Variants in FBRS observed in about 807,000 individuals in gnomAD.
FBRS encodes the protein probable fibrosin-1.
A neutral mutation model predicts 86.1 loss-of-function variants in FBRS; 15 were observed. That is an observed-to-expected ratio of 0.17 (90% confidence interval 0.12 to 0.27). The LOEUF is 0.27. FBRS is among the 10% of genes least tolerant of loss of function. The pLI, the probability that FBRS is intolerant of heterozygous loss-of-function variation, is 1.00. For synonymous variants in FBRS, 666 were observed against 575.8 expected (o/e 1.16, Z -2.24); for missense variants, 1,367 against 1,301.6 (o/e 1.05, Z -0.77).
At position 30,659,975 on chromosome 16, in the gene FBRS, C is replaced by A; in HGVS notation, c.457C>A (p.Gln153Lys). Residue 153 changes from glutamine (Q) to lysine (K), a missense_variant and splice_region_variant, in exon 1 of 18, where the codon CAG becomes AAG. Transcript: ENST00000356166. ...IASFATLEAL[Q>K]KDASLQPPER... ...CAGCTTCGCCACCCTCGAGGCCTTG[C>A]AGGTGGGGCCTAATGGGGCTAGGAG... 5.8e-6 allele frequency: 9 copies of A among 1,549,506 alleles called. No individual in the cohort carries two copies. The highest frequency in any genetic ancestry group is 1.7e-4 in the Middle Eastern group (1 of 5,900).
rs1342935957 is a variant in FBRS, at chr16:30,661,475, G to GA, written c.705+144dup. 2.0e-6 allele frequency: 3 copies of GA among 1,473,344 alleles called. No individual in the cohort carries two copies. The Admixed American group carries it at 6.4e-5, about 31-fold the overall frequency. 91.3% of individuals were successfully genotyped at this position (1,473,344 alleles called of 1,614,324 possible). The stretch of plus-strand genomic sequence containing the variant: ...TGAGTCAGGATTAGGTTTTTGGGAG[G>GA]AACGGGGGTGGATTGGGAGGGTAAA... On this transcript the variant is annotated intron_variant, in intron 4 of 17. Coordinates refer to ENST00000356166, the MANE Select transcript of FBRS (RefSeq NM_001105079.3).
Position 30,662,641 on chromosome 16 carries a change from C to T in FBRS, c.837C>T (p.Ser279=). The stretch of plus-strand genomic sequence containing the variant: ...CTAAAGTGTCGGGCCTGGAGCGGAG[C>T]CAAGAACAGCCCCCGGGGCCCGACC... ...VVPKVSGLER[S]QEQPPGPDPL... The change falls in exon 6 of 18, where the codon AGC becomes AGT. Residue 279 remains serine, a synonymous_variant. Coordinates refer to ENST00000356166, the MANE Select transcript of FBRS (RefSeq NM_001105079.3). The T allele has an allele frequency of 4.5e-6, 7 of 1,546,816 alleles. No individual in the cohort carries two copies. The highest frequency in any genetic ancestry group is 6.1e-6 in the Non-Finnish European group (7 of 1,144,564).
At chr16:30,663,524 A>AG (rs2052485284) in intron 6 of FBRS, among the ~76,000 whole-genome samples, 1 of 152,116 alleles carries the variant, frequency 6.6e-6, no homozygotes, top group Non-Finnish European at 1.5e-5. Context: ...GTTAAAAAAA[A>AG]AAAAAAGGAA....
intron 15 of FBRS, chr16:30,667,864 G>T (rs945784652): frequency 2.2e-4 from 96 of 435,780 alleles, no homozygotes; most frequent in Non-Finnish European, 3.7e-4. Context: ...CAGTGGCAGG[G>T]GCAGTACGCC....
rs775970910 is a variant in FBRS at position 30,664,885 on chromosome 16, C to A, written c.1528C>A (p.Pro510Thr). 90 of 1,609,434 alleles carry A rather than the reference C, an allele frequency of 5.6e-5. No homozygotes were observed. The highest frequency in any genetic ancestry group is 7.4e-5 in the Non-Finnish European group (87 of 1,177,898). Residue 510 changes from proline to threonine, a missense_variant, in exon 8 of 18, where the codon CCC (proline) becomes ACC (threonine). Transcript: ENST00000356166. ...CACCCACCAGCACTTCACCCCTTAT[C>A]CCCCGGGCCTGCTGCCACCCCACGG... ...QHTHQHFTPYPPGLLPPHGPH... is the reference protein window; with the variant it reads ...QHTHQHFTPYTPGLLPPHGPH...
rs1187322140 is a variant in FBRS at position 30,659,766 on chromosome 16, G to A, written c.248G>A (p.Arg83Gln). The A allele has an allele frequency of 1.4e-6, 2 of 1,438,484 alleles. No individual in the cohort carries two copies. Among genetic ancestry groups the A allele is most frequent in the South Asian group, 2.6e-5 (2 of 76,812 alleles). 89.1% of individuals were successfully genotyped at this position (1,438,484 alleles called of 1,614,324 possible). A position where few individuals can be genotyped will look rare whatever the true frequency, so the allele number is the denominator to read the frequency against. The change falls in exon 1 of 18, where the codon CGG becomes CAG. Residue 83 changes from arginine to glutamine, a missense_variant. Around this residue, in one of 3 missense-constraint regions of FBRS, gnomAD observed 702 missense variants for 598.7 expected, o/e 1.17. Coordinates refer to ENST00000356166, the MANE Select transcript of FBRS (RefSeq NM_001105079.3). Reference sequence around the variant, plus strand: ...CGGCCTGGGGGCCCGAGACGCCGGCGGCCCCGTCCGAGACCTCGACCCCCG... The same window carrying A: ...CGGCCTGGGGGCCCGAGACGCCGGCAGCCCCGTCCGAGACCTCGACCCCCG... ...GERPGGPRRRRPRPRPRPPRP... is the reference protein window; with the variant it reads ...GERPGGPRRRQPRPRPRPPRP...
chr16:30,664,232 C>T lies in FBRS; in HGVS notation c.1073C>T (p.Pro358Leu), dbSNP rs548361821. 4.7e-5 allele frequency: 68 copies of T among 1,443,510 alleles called. 1 individual carries two copies. The East Asian group carries it at 1.3e-3, about 27-fold the overall frequency. 89.4% of individuals were successfully genotyped at this position (1,443,510 alleles called of 1,614,324 possible). The change falls in exon 7 of 18, where the codon CCC becomes CTC. Residue 358 changes from proline (P) to leucine (L), a missense_variant. Coordinates refer to ENST00000356166, the MANE Select transcript of FBRS (RefSeq NM_001105079.3). Reference protein sequence around the residue: ...LSTGSSSRPPPKAPAPPVAQP... With the variant: ...LSTGSSSRPPLKAPAPPVAQP... Reference sequence around the variant, plus strand: ...CTCCCCAGCTCTTCACGGCCGCCCCCCAAGGCCCCGGCCCCTCCCGTGGCT... The same window carrying T: ...CTCCCCAGCTCTTCACGGCCGCCCCTCAAGGCCCCGGCCCCTCCCGTGGCT...
chr16:30,661,394 A>C, intron 4 of FBRS, 61 bp downstream of exon 4: 2 of 1,550,476 alleles, frequency 1.3e-6, no homozygotes, highest in South Asian at 2.4e-5. Flanking sequence ...CTGCAGCATA[A>C]AGGTCTTCTG....
At position 30,665,818 on chromosome 16, in the gene FBRS, G is replaced by T. The variant is rs779715559; in HGVS notation, c.1773+112G>T. 1.9e-6 allele frequency: 2 copies of T among 1,034,054 alleles called. No homozygotes were observed. The highest frequency in any genetic ancestry group is 2.9e-6 in the Non-Finnish European group (2 of 700,088). 64.1% of individuals were successfully genotyped at this position (1,034,054 alleles called of 1,614,324 possible). A position where few individuals can be genotyped will look rare whatever the true frequency, so the allele number is the denominator to read the frequency against. On this transcript the variant is annotated intron_variant, in intron 11 of 17. Transcript: ENST00000356166. This position sits in a 1 kb window ranked among gnomAD's most constrained non-coding sequence, Gnocchi z 4.1. ...TCCTCCCTTGAATTCACAATCGGGT[G>T]TTCCTGGGTGTCTAATAGAGAGGGA... is the stretch of plus-strand genomic sequence containing the variant.
chr16:30,669,492 T>G lies in FBRS; in HGVS notation c.2790T>G (p.Ala930=), dbSNP rs1243828897. ...PAHPLLYSRL[A]PPPPPAAAPG... ...ACCCCTTGCTCTACAGCCGCTTGGC[T>G]CCTCCACCACCACCTGCTGCGGCCC... The change falls in exon 18 of 18, where the codon GCT becomes GCG. Residue 930 remains alanine, a synonymous_variant. Coordinates refer to ENST00000356166, the MANE Select transcript of FBRS (RefSeq NM_001105079.3). This position sits in a 1 kb window ranked among gnomAD's most constrained non-coding sequence, Gnocchi z 5.9. The G allele has an allele frequency of 6.2e-7, 1 of 1,612,992 alleles. No individual in the cohort carries two copies. Among genetic ancestry groups the G allele is most frequent in the Non-Finnish European group, 8.5e-7 (1 of 1,179,778 alleles).
At chr16:30,664,083 G>A (rs1057065452) in intron 6 of FBRS, 132 bp from the exon 7 acceptor site, 9 of 1,095,500 alleles carry the variant, frequency 8.2e-6, no homozygotes, top group African/African-American at 6.5e-5. Context: ...GGTGGGGGGC[G>A]GTCCTGGGGC....
chr16:30,668,769 C>A lies in FBRS; in HGVS notation c.2159-3C>A. The A allele has an allele frequency of 6.3e-7, 1 of 1,599,522 alleles. No homozygotes were observed. On this transcript the variant is annotated splice_region_variant and splice_polypyrimidine_tract_variant and intron_variant, in intron 16 of 17. Transcript: ENST00000356166. ...GTCACTCTCTGCTTCACCCTCTGCC[C>A]AGACTCCGGCGCCGTCTTTGCCCAG...
chr16:30,662,956 G>T (rs919800043), intron 6 of FBRS, 97 bp downstream of exon 6: 1 of 1,325,158 alleles, frequency 7.5e-7, no homozygotes, highest in Non-Finnish European at 9.7e-7. Context: ...CTTGAAAAAG[G>T]ATTCTGAGAC....
Position 30,668,855 on chromosome 16 carries a change from C to T in FBRS, c.2242C>T (p.His748Tyr). 1 of 1,590,974 alleles carries T rather than the reference C, an allele frequency of 6.3e-7. No individual in the cohort carries two copies. The highest frequency in any genetic ancestry group is 8.5e-7 in the Non-Finnish European group (1 of 1,173,306). ...ASPPDPWGRL[H>Y]RSPLTFPAWV... ...CCCACCGGACCCATGGGGCCGCCTGCACCGCAGTCCTCTGACCTTTCCTGC... is the reference window on the plus strand; with the variant it reads ...CCCACCGGACCCATGGGGCCGCCTGTACCGCAGTCCTCTGACCTTTCCTGC... Residue 748 changes from histidine to tyrosine, a missense_variant, in exon 17 of 18, where the codon CAC becomes TAC. His to Tyr is a moderately conservative substitution (Grantham distance 83, BLOSUM62 2). This residue lies in a region of FBRS where 659 missense variants were observed against 678.8 expected (regional missense o/e 0.97). Transcript: ENST00000356166.
chr16:30,662,378 C>G (rs1279713087), intron 4 of FBRS, 42 bp from the exon 5 acceptor site: 1 of 1,549,128 alleles, frequency 6.5e-7, no homozygotes, highest in African/African-American at 1.4e-5. Flanking sequence ...GGAGGCCTGG[C>G]CCACCCACAA....
At chr16:30,662,965 A>G (rs1596615015) in intron 6 of FBRS, 106 bp downstream of exon 6, 1 of 1,320,846 alleles carries the variant, frequency 7.6e-7, no homozygotes, top group East Asian at 3.0e-5. Flanking sequence ...GGATTCTGAG[A>G]CTGAAAAGTT....
chr16:30,669,316 C>A lies in FBRS; in HGVS notation c.2614C>A (p.Pro872Thr). ...PRPPPFLGPS[P>T]PDRCAGFLEP... The stretch of plus-strand genomic sequence containing the variant: ...GCCGCCCCCGTTTCTGGGCCCTAGC[C>A]CACCAGATCGCTGTGCTGGCTTCCT... Residue 872 changes from proline (P) to threonine (T), a missense_variant, in exon 18 of 18, where the codon CCA (proline) becomes ACA (threonine). Physicochemically the swap from Pro to Thr is conservative, Grantham distance 38. Transcript: ENST00000356166. This position sits in a 1 kb window ranked among gnomAD's most constrained non-coding sequence, Gnocchi z 5.9. The A allele has an allele frequency of 6.2e-7, 1 of 1,608,720 alleles. No homozygotes were observed. Among genetic ancestry groups the A allele is most frequent in the Non-Finnish European group, 8.5e-7 (1 of 1,178,038 alleles).
chr16:30,662,828 T>C lies in FBRS; in HGVS notation c.1024T>C (p.Tyr342His). The C allele has an allele frequency of 1.4e-6, 2 of 1,463,544 alleles. No individual in the cohort carries two copies. Among genetic ancestry groups the C allele is most frequent in the Non-Finnish European group, 1.8e-6 (2 of 1,102,566 alleles). The allele number at this position is 1,463,544 out of a possible 1,614,324, so 90.7% of individuals were successfully genotyped here. Residue 342 changes from tyrosine (Y) to histidine (H), a missense_variant, in exon 6 of 18, where the codon TAT becomes CAT. This residue lies in a region of FBRS where 702 missense variants were observed against 598.7 expected (regional missense o/e 1.17). Coordinates refer to ENST00000356166, the MANE Select transcript of FBRS (RefSeq NM_001105079.3). ...ACCCTTCGGCCTCCGCACTTCTCCATATGGCAGCAGCCTGGACCTCAGCAC... is the reference window on the plus strand; with the variant it reads ...ACCCTTCGGCCTCCGCACTTCTCCACATGGCAGCAGCCTGGACCTCAGCAC... ...VSPFGLRTSP[Y>H]GSSLDLSTGS...
At position 30,665,131 on chromosome 16, in the gene FBRS, C is replaced by A; in HGVS notation, c.1608+52C>A. 1.3e-6 allele frequency: 2 copies of A among 1,590,884 alleles called. No homozygotes were observed. Among genetic ancestry groups the A allele is most frequent in the Non-Finnish European group, 1.7e-6 (2 of 1,169,502 alleles). On this transcript the variant is annotated intron_variant, in intron 9 of 17. Coordinates refer to ENST00000356166, the MANE Select transcript of FBRS (RefSeq NM_001105079.3). The surrounding 1 kb of genome is among the most constrained non-coding windows in gnomAD (Gnocchi z 4.1). ...GGGGTGTGTGGTGTGGGCGTGGATG[C>A]ATCCATGCTTGTGACCCTGACTGCT...
Sources: allele counts gnomAD v4.1 joint callset (sites outside exome capture counted in the v4.1 genomes callset), GRCh38; gene constraint gnomAD v4.1.1; regional missense constraint gnomAD v4.1.1; non-coding constraint Gnocchi (gnomAD v3.1); transcripts MANE v1.5; gene names NCBI Gene and HGNC (gene_info 2026-07-23, HGNC 2026-07-21).